The following TRIM2 variants were observed in gnomAD, a reference collection of about 807,000 sequenced individuals.
TRIM2 encodes tripartite motif-containing protein 2.
A neutral mutation model predicts 75.2 loss-of-function variants in TRIM2; 20 were observed. The ratio of observed to expected loss-of-function variants is 0.27; its 90% confidence interval spans 0.19 to 0.39. The LOEUF is 0.39. Ranked by LOEUF, TRIM2 falls within the 10% of genes least tolerant of loss-of-function variation. The pLI is 1.00. For missense variants in TRIM2, 660 were observed against 990.8 expected (o/e 0.67, Z 4.48); for synonymous variants, 373 against 388.3 (o/e 0.96, Z 0.46).
Position 153,206,127 on chromosome 4 carries a change from T to C in TRIM2, c.30+1567T>C, listed in dbSNP as rs180766864. ...ATGCATTCTCACCTTCCCACCTAAG[T>C]AGGTGTCCCACAGTTTAACTCAATT... On this transcript the variant is annotated intron_variant, in intron 1 of 11. Coordinates refer to ENST00000338700, the MANE Select transcript of TRIM2 (RefSeq NM_015271.5). Among the ~76,000 whole-genome samples the C allele has an allele frequency of 5.3e-5, 8 of 152,306 alleles. No individual in the cohort carries two copies. The East Asian group carries it at 1.5e-3, about 29-fold the overall frequency.
At chr4:153,206,037 A>G (rs1256290458) in intron 1 of TRIM2, among the ~76,000 whole-genome samples, 2 of 152,240 alleles carry the variant, frequency 1.3e-5, no homozygotes, top group East Asian at 3.8e-4. Context: ...AAGGGAAAGG[A>G]CAGGTGTGCA....
At chr4:153,207,378 C>T (rs761207414) in intron 1 of TRIM2, among the ~76,000 whole-genome samples, 18 of 152,190 alleles carry the variant, frequency 1.2e-4, no homozygotes, top group Admixed American at 3.3e-4. Context: ...TTGATTCAGA[C>T]GAACCTGGAG....
intron 1 of TRIM2, among the ~76,000 whole-genome samples, chr4:153,242,098 G>A (rs1009886328): frequency 6.6e-6 from 1 of 152,126 alleles, no homozygotes; most frequent in African/African-American, 2.4e-5. Flanking sequence ...AACCACGTGG[G>A]TCCTTTGAAT....
chr4:153,322,932 A>C (rs963175226), intron 9 of TRIM2, 116 bp downstream of exon 9: 3 of 1,371,790 alleles, frequency 2.2e-6, no homozygotes, highest in Non-Finnish European at 3.0e-6. Flanking sequence ...GGCTTTGGGA[A>C]AGATGCTGGG....
In TRIM2 at chr4:153,335,549, G is replaced by C; in HGVS notation, c.*583G>C. ...CTGATTAGCAGCCCTCTGGAGTTCA[G>C]AACTTAAGTATCAGTGCAAATTTCT... On this transcript the variant is annotated 3_prime_UTR_variant, in exon 12 of 12. Coordinates refer to ENST00000338700, the MANE Select transcript of TRIM2 (RefSeq NM_015271.5). The C allele has an allele frequency of 1.0e-6, 1 of 985,342 alleles. No individual in the cohort carries two copies. Among genetic ancestry groups the C allele is most frequent in the Non-Finnish European group, 1.2e-6 (1 of 829,924 alleles). 61.0% of individuals were successfully genotyped at this position (985,342 alleles called of 1,614,324 possible). A position where few individuals can be genotyped will look rare whatever the true frequency, so the allele number is the denominator to read the frequency against.
At chr4:153,291,944 C>A (rs936067374) in intron 3 of TRIM2, among the ~76,000 whole-genome samples, 5 of 152,112 alleles carry the variant, frequency 3.3e-5, no homozygotes, top group Non-Finnish European at 7.3e-5. Flanking sequence ...GAAAATTTGT[C>A]CAAGGTCATT....
chr4:153,205,674 T>C (rs778092803), intron 1 of TRIM2, among the ~76,000 whole-genome samples: 31 of 152,196 alleles, frequency 2.0e-4, no homozygotes. Flanking sequence ...AGGTGAACCA[T>C]GGGACTTTAA....
intron 2 of TRIM2, among the ~76,000 whole-genome samples, chr4:153,274,795 T>C (rs1757651512): frequency 6.6e-6 from 1 of 152,198 alleles, no homozygotes; most frequent in Non-Finnish European, 1.5e-5. Flanking sequence ...AGCTTAATGA[T>C]ACTTCCCAGA....
intron 3 of TRIM2, among the ~76,000 whole-genome samples, chr4:153,286,297 A>G (rs1403608446): frequency 1.3e-5 from 2 of 152,124 alleles, no homozygotes; most frequent in African/African-American, 2.4e-5. Context: ...TTCTTGTGGT[A>G]TCTTTGGCTT....
chr4:153,208,281 C>A (rs1736019737), intron 1 of TRIM2, among the ~76,000 whole-genome samples: 1 of 151,984 alleles, frequency 6.6e-6, no homozygotes, highest in Admixed American at 6.6e-5. Flanking sequence ...CTGGGCAAGA[C>A]CTTGTCTCAA....
intron 3 of TRIM2, among the ~76,000 whole-genome samples, chr4:153,288,159 G>A (rs116544005): frequency 0.012 from 1,887 of 152,094 alleles, 49 homozygotes; most frequent in African/African-American, 0.043. Flanking sequence ...ATCTGCAGCC[G>A]GGCATGGTGG....
chr4:153,266,353 T>TTTG (rs34845183), intron 1 of TRIM2, among the ~76,000 whole-genome samples: 2 of 148,282 alleles, frequency 1.3e-5, no homozygotes, highest in Non-Finnish European at 3.0e-5. Context: ...GGTTTTTTTT[T>TTTG]TTTTTTTTGA....
At chr4:153,307,954 C>T (rs1328612099) in intron 6 of TRIM2, 18 of 755,268 alleles carry the variant, frequency 2.4e-5, no homozygotes, top group South Asian at 4.1e-5. Context: ...AGCCGGTCAG[C>T]GAAATACAGG....
At chr4:153,321,217 A>G (rs1223522815) in intron 8 of TRIM2, among the ~76,000 whole-genome samples, 1 of 152,236 alleles carries the variant, frequency 6.6e-6, no homozygotes, top group African/African-American at 2.4e-5. Context: ...TGTCCCTGCA[A>G]TGTGACTGAG....
intron 1 of TRIM2, among the ~76,000 whole-genome samples, chr4:153,164,983 T>C (rs1177605258): frequency 6.6e-6 from 1 of 152,190 alleles, no homozygotes; most frequent in Non-Finnish European, 1.5e-5. Flanking sequence ...TATGGGTTTA[T>C]TGTTAGTCTT....
chr4:153,339,179 C>G lies in TRIM2; in HGVS notation c.*4213C>G, dbSNP rs1041043512. On this transcript the variant is annotated 3_prime_UTR_variant, in exon 12 of 12. Coordinates refer to ENST00000338700, the MANE Select transcript of TRIM2 (RefSeq NM_015271.5). Reference sequence around the variant, plus strand: ...TTGTATGTTCGTAGCTACATACGTACCACAGTATTTTGGATGCTTTAGTCT... The same window carrying G: ...TTGTATGTTCGTAGCTACATACGTAGCACAGTATTTTGGATGCTTTAGTCT... 2 of 985,758 alleles carry G rather than the reference C, an allele frequency of 2.0e-6. No homozygotes were observed. The highest frequency in any genetic ancestry group is 2.4e-6 in the Non-Finnish European group (2 of 829,880). The allele number at this position is 985,758 out of a possible 1,614,324, so 61.1% of individuals were successfully genotyped here.
intron 1 of TRIM2, among the ~76,000 whole-genome samples, chr4:153,251,318 G>C (rs535835647): frequency 3.7e-4 from 56 of 152,304 alleles, no homozygotes; most frequent in Admixed American, 7.2e-4. Context: ...TGACTACAGA[G>C]AGTCTGGACT....
intron 3 of TRIM2, among the ~76,000 whole-genome samples, chr4:153,287,221 C>A (rs1760846881): frequency 1.3e-5 from 2 of 152,150 alleles, no homozygotes; most frequent in Admixed American, 1.3e-4. Flanking sequence ...CTCAAGCAAT[C>A]CTCCTGCCTC....
intron 1 of TRIM2, among the ~76,000 whole-genome samples, chr4:153,240,682 T>C (rs1035682631): frequency 6.6e-6 from 1 of 152,248 alleles, no homozygotes; most frequent in African/African-American, 2.4e-5. Flanking sequence ...TTAATTTTAT[T>C]ACTTCCAGTA....
Sources: gnomAD v4.1 joint callset for allele counts (sites outside exome capture counted in the v4.1 genomes callset) on GRCh38, gnomAD v4.1.1 for gene constraint, MANE v1.5 for transcripts, NCBI Gene and HGNC (gene_info 2026-07-23, HGNC 2026-07-21) for gene names.